The following SPECC1L variants were observed in gnomAD, a reference collection of about 807,000 sequenced individuals.
The protein encoded by SPECC1L is cytospin-A.
In SPECC1L, 40 loss-of-function variants were observed where a neutral mutation model predicts 116.8. The ratio of observed to expected loss-of-function variants is 0.34; its 90% CI spans 0.27 to 0.45. The LOEUF (loss-of-function observed/expected upper bound fraction) is 0.45, where lower values mean the gene tolerates loss of function less well. Ranked by LOEUF, SPECC1L falls within the 20% of genes least tolerant of loss-of-function variation. The pLI, the probability that SPECC1L is intolerant of heterozygous loss-of-function variation, is 1.00. For synonymous variants in SPECC1L, 504 were observed against 500.6 expected, an observed-to-expected ratio of 1.01 and a Z score of -0.09; for missense variants, 1,110 against 1,373.6, an observed-to-expected ratio of 0.81 and a Z score of 3.03.
At chr22:24,278,537 A>G (rs2048880261) in intron 2 of SPECC1L, among the ~76,000 whole-genome samples, 1 of 152,226 alleles carries the variant, frequency 6.6e-6, no homozygotes, top group African/African-American at 2.4e-5. Context: ...AAGTTAGCAG[A>G]TATTGACTGT....
At chr22:24,275,552 CTTT>C (rs78661499) in intron 1 of SPECC1L, among the ~76,000 whole-genome samples, 3 of 133,210 alleles carry the variant, frequency 2.3e-5, no homozygotes, top group Admixed American at 7.5e-5. Context: ...CACCTTTCAC[CTTT>C]TTTTTTTTTT....
At chr22:24,382,704 C>CA (rs34174849) in intron 14 of SPECC1L, among the ~76,000 whole-genome samples, 25,712 of 59,282 alleles carry the variant, frequency 0.43, 5,516 homozygotes, top group Non-Finnish European at 0.51. Flanking sequence ...GACTCCATCT[C>CA]AAAAAAAAAA....
chr22:24,403,528 T>G (rs1013311433), intron 14 of SPECC1L, among the ~76,000 whole-genome samples: 5 of 152,328 alleles, frequency 3.3e-5, no homozygotes, highest in African/African-American at 1.2e-4. Context: ...GAGAATAGCT[T>G]ACTTTAAAGG....
chr22:24,407,015 A>T (rs2042605571), intron 14 of SPECC1L, among the ~76,000 whole-genome samples: 2 of 152,012 alleles, frequency 1.3e-5, no homozygotes, highest in Admixed American at 6.6e-5. Context: ...ATCTCTGTGG[A>T]TGGGGGAGGA....
At chr22:24,316,014 A>G (rs1179937796) in intron 4 of SPECC1L, among the ~76,000 whole-genome samples, 1 of 152,160 alleles carries the variant, frequency 6.6e-6, no homozygotes, top group African/African-American at 2.4e-5. Flanking sequence ...CTCCAGGTGC[A>G]GTCACATTTG....
At chr22:24,279,152 A>G (rs2048893344) in intron 2 of SPECC1L, among the ~76,000 whole-genome samples, 1 of 152,174 alleles carries the variant, frequency 6.6e-6, no homozygotes, top group African/African-American at 2.4e-5. Context: ...TGCCCTATTA[A>G]TTATTGAGAT....
At chr22:24,325,761 C>T (rs1475968430) in intron 6 of SPECC1L, among the ~76,000 whole-genome samples, 1 of 152,048 alleles carries the variant, frequency 6.6e-6, no homozygotes, top group Non-Finnish European at 1.5e-5. Flanking sequence ...CTTAAAATGT[C>T]ACCTGAGAAT....
intron 16 of SPECC1L, among the ~76,000 whole-genome samples, chr22:24,414,147 C>A (rs564843749): frequency 6.6e-6 from 1 of 152,214 alleles, no homozygotes; most frequent in Non-Finnish European, 1.5e-5. Flanking sequence ...GAGCCCCCGA[C>A]AGAGAGAAAT....
At chr22:24,343,572 T>G (rs1361017811) in intron 10 of SPECC1L, 1 of 404,302 alleles carries the variant, frequency 2.5e-6, no homozygotes, top group African/African-American at 2.1e-5. Flanking sequence ...GTGATTCTCC[T>G]GCCTCAGCCC....
At chr22:24,380,879 A>G (rs189041888) in intron 14 of SPECC1L, among the ~76,000 whole-genome samples, 25 of 152,244 alleles carry the variant, frequency 1.6e-4, no homozygotes, top group Admixed American at 1.6e-3. Flanking sequence ...CTCTTTTTTA[A>G]AAATTAGTGC....
chr22:24,394,173 TAGTC>T (rs1032431880), intron 14 of SPECC1L, among the ~76,000 whole-genome samples: 96 of 152,346 alleles, frequency 6.3e-4, no homozygotes, highest in African/African-American at 2.0e-3. Context: ...TATGGTGTCT[TAGTC>T]AGTTTGGACT....
At chr22:24,347,563 A>T (rs1200175774) in intron 11 of SPECC1L, among the ~76,000 whole-genome samples, 1 of 152,230 alleles carries the variant, frequency 6.6e-6, no homozygotes, top group East Asian at 1.9e-4. Context: ...CCTGACTTCA[A>T]AGCCCATTCC....
chr22:24,321,246 T>TTAA, intron 4 of SPECC1L, 42 bp from the exon 5 acceptor site: 5 of 1,609,074 alleles, frequency 3.1e-6, no homozygotes, highest in Non-Finnish European at 3.4e-6. Flanking sequence ...AGCCTTTTAT[T>TTAA]GCTGACATTT....
intron 2 of SPECC1L, among the ~76,000 whole-genome samples, chr22:24,294,589 G>A (rs1293031659): frequency 6.6e-6 from 1 of 151,708 alleles, no homozygotes; most frequent in Non-Finnish European, 1.5e-5. Flanking sequence ...CACCATGTTG[G>A]CTAGGCTGGT....
At chr22:24,410,027 T>C (rs1455347166) in intron 14 of SPECC1L, among the ~76,000 whole-genome samples, 5 of 152,154 alleles carry the variant, frequency 3.3e-5, no homozygotes, top group Admixed American at 1.3e-4. Context: ...TCAAAAAATT[T>C]TAAAAAGTTG....
At chr22:24,333,786 C>T (rs1037672953) in intron 8 of SPECC1L, among the ~76,000 whole-genome samples, 1 of 151,988 alleles carries the variant, frequency 6.6e-6, no homozygotes, top group Admixed American at 6.6e-5. Flanking sequence ...AGAGTCTCAG[C>T]TCTGAGCCAG....
intron 14 of SPECC1L, among the ~76,000 whole-genome samples, chr22:24,395,656 C>G (rs2042353297): frequency 6.6e-6 from 1 of 151,852 alleles, no homozygotes; most frequent in African/African-American, 2.4e-5. Context: ...TTCTCTTTTT[C>G]AGACAGAATC....
chr22:24,327,298 A>AAAAAC (rs1556236786), intron 6 of SPECC1L, among the ~76,000 whole-genome samples: 1 of 150,748 alleles, frequency 6.6e-6, no homozygotes, highest in Non-Finnish European at 1.5e-5. Context: ...AAAAAAAAAA[A>AAAAAC]AAAACATCAG....
chr22:24,279,570 AATTATTATT>A (rs56978503), intron 2 of SPECC1L, among the ~76,000 whole-genome samples: 113 of 150,550 alleles, frequency 7.5e-4, no homozygotes, highest in Admixed American at 1.6e-3. Flanking sequence ...TTATTTTTTT[AATTATTATT>A]ATTATTATTT....
Sources: allele counts gnomAD v4.1 joint callset (sites outside exome capture counted in the v4.1 genomes callset), GRCh38; gene constraint gnomAD v4.1.1; transcripts MANE v1.5; gene names NCBI Gene and HGNC (gene_info 2026-07-23, HGNC 2026-07-21).